The following WWOX variants were observed in gnomAD, a reference collection of about 807,000 sequenced individuals.
WWOX encodes the protein WW domain-containing oxidoreductase.
A neutral mutation model predicts 46.2 loss-of-function variants in WWOX; 69 were observed. The ratio of observed to expected loss-of-function variants is 1.49; its 90% CI spans 1.23 to 1.82. WWOX has a LOEUF of 1.82. WWOX is among the 40% of genes most tolerant of loss of function. WWOX has a pLI of 0.00. For missense variants in WWOX, 919 were observed against 542.6 expected, an observed-to-expected ratio of 1.69 and a Z score of -6.89; for synonymous variants, 359 against 202.6, an observed-to-expected ratio of 1.77 and a Z score of -6.56.
intron 8 of WWOX, among the ~76,000 whole-genome samples, chr16:79,053,684 G>A (rs745364099): frequency 2.6e-5 from 4 of 152,132 alleles, no homozygotes; most frequent in African/African-American, 7.2e-5. Flanking sequence ...GTTGGGGAAC[G>A]CTTTTAGAGG....
intron 8 of WWOX, among the ~76,000 whole-genome samples, chr16:79,121,437 G>T (rs1050175425): frequency 3.3e-5 from 5 of 152,198 alleles, no homozygotes; most frequent in African/African-American, 1.2e-4. Flanking sequence ...CCAGTAGATG[G>T]AATTCTAAGG....
chr16:78,470,073 A>G (rs971149928), intron 8 of WWOX, among the ~76,000 whole-genome samples: 8 of 152,206 alleles, frequency 5.3e-5, no homozygotes, highest in East Asian at 1.9e-4. Flanking sequence ...ACTCTTGCCA[A>G]TTAGCAGGCT....
intron 8 of WWOX, among the ~76,000 whole-genome samples, chr16:79,065,639 A>G (rs2048427661): frequency 6.6e-6 from 1 of 152,238 alleles, no homozygotes; most frequent in Non-Finnish European, 1.5e-5. Flanking sequence ...TCCTATGCCT[A>G]CATCTTAGCT....
chr16:78,248,717 C>T (rs1224836697), intron 5 of WWOX, among the ~76,000 whole-genome samples: 1 of 152,012 alleles, frequency 6.6e-6, no homozygotes, highest in East Asian at 1.9e-4. Context: ...GCCTGTGTAA[C>T]AGAGCGAGAC....
chr16:78,651,395 G>T (rs2046963392), intron 8 of WWOX, among the ~76,000 whole-genome samples: 1 of 152,186 alleles, frequency 6.6e-6, no homozygotes, highest in South Asian at 2.1e-4. Context: ...TTGAATACAA[G>T]CAGCTATTCA....
At chr16:78,139,032 A>G (rs1183718625) in intron 4 of WWOX, among the ~76,000 whole-genome samples, 1 of 152,080 alleles carries the variant, frequency 6.6e-6, no homozygotes, top group Non-Finnish European at 1.5e-5. Flanking sequence ...AGTCCCACCA[A>G]TCAGACCGTA....
intron 4 of WWOX, among the ~76,000 whole-genome samples, chr16:78,160,621 T>C (rs1033523564): frequency 1.3e-5 from 2 of 152,216 alleles, no homozygotes; most frequent in Admixed American, 6.5e-5. Flanking sequence ...GATCTTGTTA[T>C]TGATTTGTAA....
intron 8 of WWOX, among the ~76,000 whole-genome samples, chr16:78,459,403 G>A (rs775457976): frequency 6.6e-6 from 1 of 152,162 alleles, no homozygotes; most frequent in African/African-American, 2.4e-5. Context: ...CAAGTGGAGC[G>A]TGATTTCATC....
chr16:78,632,162 G>T (rs1401708624), intron 8 of WWOX, among the ~76,000 whole-genome samples: 3 of 152,168 alleles, frequency 2.0e-5, no homozygotes, highest in South Asian at 2.1e-4. Flanking sequence ...TTGAATTCCA[G>T]TTCTCTCATA....
intron 8 of WWOX, among the ~76,000 whole-genome samples, chr16:78,865,817 T>G (rs2043991143): frequency 6.6e-6 from 1 of 152,096 alleles, no homozygotes; most frequent in South Asian, 2.1e-4. Flanking sequence ...AAGGCAGAGT[T>G]TGCAGTGAGC....
intron 8 of WWOX, among the ~76,000 whole-genome samples, chr16:79,002,083 A>C (rs145460402): frequency 1.1e-3 from 163 of 152,280 alleles, no homozygotes; most frequent in African/African-American, 3.8e-3. Context: ...TCTGGGGATG[A>C]AAACAGGGCA....
At chr16:79,019,439 A>G (rs951926854) in intron 8 of WWOX, among the ~76,000 whole-genome samples, 1 of 152,138 alleles carries the variant, frequency 6.6e-6, no homozygotes, top group East Asian at 1.9e-4. Context: ...TGGTATGTGT[A>G]TATCTCAACA....
At chr16:78,728,211 C>G (rs1394024446) in intron 8 of WWOX, among the ~76,000 whole-genome samples, 3 of 151,548 alleles carry the variant, frequency 2.0e-5, no homozygotes, top group African/African-American at 4.8e-5. Context: ...ACTACGGACA[C>G]ATGCCACTAC....
rs570167290 is a variant in WWOX at position 78,791,652 on chromosome 16, T to C, written c.1056+358900T>C. Among the ~76,000 whole-genome samples, 7 of 152,004 alleles carry C rather than the reference T, an allele frequency of 4.6e-5. No homozygotes were observed. The East Asian group carries it at 9.7e-4, about 21-fold the overall frequency. The stretch of plus-strand genomic sequence containing the variant: ...CAGCACTTTGGGATAATGAGATGGG[T>C]GGATCACCTGAGGTCAGAAGTTCGA... On this transcript the variant is annotated intron_variant, in intron 8 of 8. Transcript: ENST00000566780.
intron 8 of WWOX, among the ~76,000 whole-genome samples, chr16:78,607,523 A>C (rs1014997528): frequency 6.6e-6 from 1 of 152,242 alleles, no homozygotes; most frequent in Admixed American, 6.5e-5. Flanking sequence ...GCAAAGTCTT[A>C]CACCTGAAAC....
intron 8 of WWOX, among the ~76,000 whole-genome samples, chr16:79,045,120 C>T (rs931320006): frequency 6.6e-6 from 1 of 152,200 alleles, no homozygotes; most frequent in East Asian, 1.9e-4. Context: ...TTCGTTCATT[C>T]ATTTATTCTT....
chr16:78,947,069 A>T (rs1218856061), intron 8 of WWOX, among the ~76,000 whole-genome samples: 2 of 152,046 alleles, frequency 1.3e-5, no homozygotes, highest in African/African-American at 4.8e-5. Context: ...CTTTTTTTAA[A>T]AAAAAGCCTT....
rs571638139 is a variant in WWOX, at chr16:78,390,758, C to A, written c.605+3810C>A. ...CATGTAACTCTATTCTTATCACCCC[C>A]CATCTTCAGACATTAAAATTTTCTT... On this transcript the variant is annotated intron_variant, in intron 6 of 8. Coordinates refer to ENST00000566780, the MANE Select transcript of WWOX (RefSeq NM_016373.4). Among the ~76,000 whole-genome samples the A allele has an allele frequency of 1.7e-3, 257 of 152,268 alleles. 2 individuals carry two copies. Among genetic ancestry groups the A allele is most frequent in the Non-Finnish European group, 2.7e-3 (183 of 68,014 alleles).
chr16:78,285,374 GT>G (rs2151857132), intron 5 of WWOX, among the ~76,000 whole-genome samples: 1 of 152,172 alleles, frequency 6.6e-6, no homozygotes, highest in Non-Finnish European at 1.5e-5. Context: ...GAGCCCAGAA[GT>G]TCAACATTAT....
Sources: allele counts gnomAD v4.1 joint callset (sites outside exome capture counted in the v4.1 genomes callset), GRCh38; gene constraint gnomAD v4.1.1; transcripts MANE v1.5; gene names NCBI Gene and HGNC (gene_info 2026-07-23, HGNC 2026-07-21).